Variants in ABR observed in about 807,000 individuals in gnomAD.
The protein encoded by ABR is active breakpoint cluster region-related protein.
Under a neutral mutation model 107.2 loss-of-function variants are expected in ABR, and 35 were observed. The ratio of observed to expected loss-of-function variants is 0.33; its 90% confidence interval spans 0.25 to 0.43. ABR has a LOEUF of 0.43. Ranked by LOEUF, ABR falls within the 20% of genes least tolerant of loss-of-function variation. The probability of loss-of-function intolerance (pLI) is 1.00; values close to 1 mark genes in which losing one functional copy is unlikely to be tolerated. For synonymous variants in ABR, 498 were observed against 462.0 expected (o/e 1.08, Z -1.00); for missense variants, 815 against 1,115.2 (o/e 0.73, Z 3.83).
chr17:1,020,524 G>A (rs919262246), intron 16 of ABR, among the ~76,000 whole-genome samples: 2 of 152,232 alleles, frequency 1.3e-5, no homozygotes, highest in Admixed American at 6.5e-5. Context: ...CAGCAGGCAG[G>A]GGCACCGGGT....
At chr17:1,058,385 C>T (rs890588710) in intron 11 of ABR, among the ~76,000 whole-genome samples, 3 of 152,172 alleles carry the variant, frequency 2.0e-5, no homozygotes, top group African/African-American at 7.2e-5. Flanking sequence ...GGTGATTCGC[C>T]TGCCTCAGCC....
intron 1 of ABR, among the ~76,000 whole-genome samples, chr17:1,130,531 T>C (rs1036238838): frequency 2.6e-5 from 4 of 152,080 alleles, no homozygotes; most frequent in African/African-American, 9.7e-5. Context: ...CTGCTCCACC[T>C]CTCCAGGGTC....
chr17:1,207,278 C>A (rs1208430336), intron 1 of ABR, among the ~76,000 whole-genome samples: 1 of 151,224 alleles, frequency 6.6e-6, no homozygotes, highest in Non-Finnish European at 1.5e-5. Flanking sequence ...CAGATTCTCT[C>A]AAAAAGAAGT....
chr17:1,011,946 AC>A lies in ABR; in HGVS notation c.2000del (p.Cys667LeufsTer41). On this transcript the variant is annotated frameshift_variant, in exon 19 of 23. Coordinates refer to ENST00000302538, the MANE Select transcript of ABR (RefSeq NM_021962.5). LOFTEE classifies it high-confidence loss of function. This position sits in a 1 kb window ranked among gnomAD's most constrained non-coding sequence, Gnocchi z 4.8. ...RSKVPYIVRQ[C>X]VEEVEKRGIE... ...TACCCCTCTTCTCCACCTCCTCCAC[AC>A]ACTGCCGGACGATGTAGGGCACCTT... 6.2e-7 allele frequency: 1 copy of A among 1,613,474 alleles called. No individual in the cohort carries two copies. Among genetic ancestry groups the A allele is most frequent in the Non-Finnish European group, 8.5e-7 (1 of 1,179,588 alleles).
intron 1 of ABR, among the ~76,000 whole-genome samples, chr17:1,136,980 GC>G (rs2040090915): frequency 6.9e-6 from 1 of 144,980 alleles, no homozygotes; most frequent in South Asian, 2.3e-4. Context: ...CTTTCAACAA[GC>G]CTTCCTCACT....
Position 1,011,575 on chromosome 17 carries a change from C to T in ABR, c.2101+271G>A. ...AGCAAGAAAGACACTGGAGTCAGAT[C>T]TGAGTTTTAAGTCCAGAACCAAAAC... On this transcript the variant is annotated intron_variant, in intron 19 of 22. Coordinates refer to ENST00000302538, the MANE Select transcript of ABR (RefSeq NM_021962.5). This position sits in a 1 kb window ranked among gnomAD's most constrained non-coding sequence, Gnocchi z 4.8. 3.2e-6 allele frequency: 1 copy of T among 311,164 alleles called. No individual in the cohort carries two copies. The highest frequency in any genetic ancestry group is 5.9e-6 in the Non-Finnish European group (1 of 169,386). The allele number at this position is 311,164 out of a possible 1,614,324, so 19.3% of individuals were successfully genotyped here. A position where few individuals can be genotyped will look rare whatever the true frequency, so the allele number is the denominator to read the frequency against.
intron 4 of ABR, among the ~76,000 whole-genome samples, chr17:1,085,674 C>T (rs757698617): frequency 1.1e-4 from 16 of 152,096 alleles, no homozygotes; most frequent in Admixed American, 5.9e-4. Context: ...CAAACTGAGA[C>T]GTGCCGGACA....
intron 1 of ABR, among the ~76,000 whole-genome samples, chr17:1,168,309 AG>A (rs1342673042): frequency 6.6e-6 from 1 of 152,160 alleles, no homozygotes; most frequent in African/African-American, 2.4e-5. Context: ...TCAAAAAAAA[AG>A]ATAAGAAAGT....
intron 18 of ABR, 38 bp from the exon 19 acceptor site, chr17:1,012,023 C>A (rs373450471): frequency 1.2e-6 from 2 of 1,608,586 alleles, no homozygotes; most frequent in African/African-American, 2.7e-5. Context: ...GGGCAGCCCC[C>A]ACGACAGCTC....
chr17:1,033,030 C>T (rs1249514669), intron 16 of ABR, among the ~76,000 whole-genome samples: 1 of 152,222 alleles, frequency 6.6e-6, no homozygotes, highest in Non-Finnish European at 1.5e-5. Flanking sequence ...GCCAGGGTTA[C>T]ACAGTGCCAA....
intron 16 of ABR, among the ~76,000 whole-genome samples, chr17:1,030,929 G>T (rs1406087689): frequency 1.3e-5 from 2 of 152,230 alleles, no homozygotes; most frequent in East Asian, 1.9e-4. Context: ...CCTGATGCCA[G>T]GGCCCCAAGC....
intron 1 of ABR, among the ~76,000 whole-genome samples, chr17:1,222,088 C>T (rs574913142): frequency 2.7e-4 from 12 of 43,650 alleles, no homozygotes; most frequent in Admixed American, 4.9e-4. Context: ...TTTTCTGAGA[C>T]GGAGTTTCAC....
intron 2 of ABR, among the ~76,000 whole-genome samples, chr17:1,105,744 GT>G (rs1261104162): frequency 6.6e-6 from 1 of 152,136 alleles, no homozygotes; most frequent in Non-Finnish European, 1.5e-5. Context: ...GTGGTGGCAT[GT>G]GCCTGTAGTG....
In ABR at chr17:1,092,450, C is replaced by T. The variant is rs957052709; in HGVS notation, c.346-600G>A. 3.9e-5 allele frequency among the ~76,000 whole-genome samples: 6 copies of T among 152,142 alleles called. No individual in the cohort carries two copies. The highest frequency in any genetic ancestry group is 2.6e-4 in the Admixed American group (4 of 15,278). ...GCGACCGTGATGGTCCTTCCCACTG[C>T]GCATGGCAGGGGTCTCCAGTCTCAG... On this transcript the variant is annotated intron_variant, in intron 3 of 22. Transcript: ENST00000302538. This position sits in a 1 kb window ranked among gnomAD's most constrained non-coding sequence, Gnocchi z 4.6.
At chr17:1,009,915 G>A in intron 20 of ABR, 131 bp from the exon 21 acceptor site, 1 of 749,450 alleles carries the variant, frequency 1.3e-6, no homozygotes. Context: ...AGACCCCACA[G>A]GGGAGGGCCT....
At chr17:1,199,599 C>T (rs951298233) in intron 1 of ABR, among the ~76,000 whole-genome samples, 2 of 151,400 alleles carry the variant, frequency 1.3e-5, no homozygotes, top group African/African-American at 4.9e-5. Context: ...CAGACGCCCG[C>T]CACCACGCCC....
At chr17:1,061,571 C>A (rs746868490) in intron 10 of ABR, among the ~76,000 whole-genome samples, 2 of 151,846 alleles carry the variant, frequency 1.3e-5, no homozygotes, top group African/African-American at 4.8e-5. Context: ...GAGATGGAGT[C>A]CCACTCACTC....
At chr17:1,168,554 C>G (rs1271754187) in intron 1 of ABR, among the ~76,000 whole-genome samples, 1 of 152,180 alleles carries the variant, frequency 6.6e-6, no homozygotes, top group Non-Finnish European at 1.5e-5. Context: ...GAGGTTCCCC[C>G]AGTCTGGACT....
Position 1,073,687 on chromosome 17 carries a change from G to T in ABR, c.701-10C>A. 6.2e-7 allele frequency: 1 copy of T among 1,600,864 alleles called. No individual in the cohort carries two copies. The highest frequency in any genetic ancestry group is 8.5e-7 in the Non-Finnish European group (1 of 1,172,060). On this transcript the variant is annotated splice_polypyrimidine_tract_variant and intron_variant, in intron 6 of 22. Coordinates refer to ENST00000302538, the MANE Select transcript of ABR (RefSeq NM_021962.5). Reference sequence around the variant, plus strand: ...GGCTTGTAGAGCAGAGCTGTCGGGGGAGACAGGGAGAAGGAGGAAGAGGAT... The same window carrying T: ...GGCTTGTAGAGCAGAGCTGTCGGGGTAGACAGGGAGAAGGAGGAAGAGGAT...
Sources: allele counts gnomAD v4.1 joint callset (sites outside exome capture counted in the v4.1 genomes callset), GRCh38; gene constraint gnomAD v4.1.1; non-coding constraint Gnocchi (gnomAD v3.1); transcripts MANE v1.5; gene names NCBI Gene and HGNC (gene_info 2026-07-23, HGNC 2026-07-21).